The following MTMR7 variants were observed in gnomAD, a reference collection of about 807,000 sequenced individuals.
MTMR7 encodes myotubularin related protein 7, also known as phosphatidylinositol-3-phosphate phosphatase MTMR7.
In MTMR7, 76 loss-of-function variants were observed where a neutral mutation model predicts 81.2. That is an observed-to-expected ratio of 0.94 (90% confidence interval 0.78 to 1.13). The LOEUF (loss-of-function observed/expected upper bound fraction) is 1.13, where lower values mean the gene tolerates loss of function less well. Ranked by LOEUF, MTMR7 falls within the 50% of genes most tolerant of loss-of-function variation. The pLI is 0.00. For missense variants in MTMR7, 1,044 were observed against 820.0 expected, an observed-to-expected ratio of 1.27 and a Z score of -3.34; for synonymous variants, 372 against 289.8, an observed-to-expected ratio of 1.28 and a Z score of -2.88.
In MTMR7 at chr8:17,393,281, T is replaced by C. The variant is rs537152395; in HGVS notation, c.24+19988A>G. Among the ~76,000 whole-genome samples the C allele has an allele frequency of 3.9e-5, 6 of 152,316 alleles. No individual in the cohort carries two copies. The South Asian group carries it at 1.0e-3, about 26-fold the overall frequency. ...ACCATATACAAAAATTAACTCAACA[T>C]AGATCAAAGACCTAAACAGTGTAAA... On this transcript the variant is annotated intron_variant, in intron 1 of 13. Coordinates refer to ENST00000180173, the MANE Select transcript of MTMR7 (RefSeq NM_004686.5).
chr8:17,406,838 A>G (rs1480215905), intron 1 of MTMR7, among the ~76,000 whole-genome samples: 6 of 152,212 alleles, frequency 3.9e-5, no homozygotes, highest in African/African-American at 1.4e-4. Context: ...CCTTAAAAAC[A>G]TTAAGTGAAA....
At chr8:17,313,430 A>C (rs1198335433) in intron 7 of MTMR7, 29 bp from the exon 8 acceptor site, 1 of 1,406,468 alleles carries the variant, frequency 7.1e-7, no homozygotes, top group Non-Finnish European at 1.0e-6. Flanking sequence ...TATAAAAGCA[A>C]AATTAAGGTA....
intron 6 of MTMR7, among the ~76,000 whole-genome samples, chr8:17,340,630 G>A (rs891320380): frequency 6.6e-6 from 1 of 152,182 alleles, no homozygotes; most frequent in Non-Finnish European, 1.5e-5. Flanking sequence ...TGAGTGGGAG[G>A]TAAGTGTAAG....
At position 17,352,676 on chromosome 8, in the gene MTMR7, G is replaced by C. The variant is rs184359063; in HGVS notation, c.469-3595C>G. On this transcript the variant is annotated intron_variant, in intron 4 of 13. Transcript: ENST00000180173. The stretch of plus-strand genomic sequence containing the variant: ...AGTGAAAAAGCAACCTACAGAATGT[G>C]AGAAGCTATTAGTAAATTGCGTATC... 4.9e-3 allele frequency among the ~76,000 whole-genome samples: 748 copies of C among 152,284 alleles called. 10 individuals carry two copies. Among genetic ancestry groups the C allele is most frequent in the Admixed American group, 7.7e-3 (118 of 15,298 alleles).
At chr8:17,393,540 C>A (rs1250495452) in intron 1 of MTMR7, among the ~76,000 whole-genome samples, 1 of 151,968 alleles carries the variant, frequency 6.6e-6, no homozygotes, top group African/African-American at 2.4e-5. Flanking sequence ...GACAGATAAC[C>A]CAATTTAAAA....
At chr8:17,345,735 G>A (rs1029751778) in intron 5 of MTMR7, among the ~76,000 whole-genome samples, 6 of 152,160 alleles carry the variant, frequency 3.9e-5, no homozygotes, top group Non-Finnish European at 8.8e-5. Context: ...CCTTTATATT[G>A]AACAGAACTT....
chr8:17,359,122 T>G (rs1395312943), intron 4 of MTMR7, among the ~76,000 whole-genome samples: 1 of 151,962 alleles, frequency 6.6e-6, no homozygotes, highest in Non-Finnish European at 1.5e-5. Context: ...GGTCTCAAAC[T>G]CCAGGGCTCA....
intron 6 of MTMR7, among the ~76,000 whole-genome samples, chr8:17,337,496 C>T (rs961886020): frequency 1.2e-4 from 19 of 152,240 alleles, no homozygotes; most frequent in African/African-American, 4.3e-4. Flanking sequence ...ACTGCGACAA[C>T]ACCTTCATAT....
At chr8:17,347,345 A>G (rs991238618) in intron 5 of MTMR7, among the ~76,000 whole-genome samples, 1 of 152,204 alleles carries the variant, frequency 6.6e-6, no homozygotes, top group Non-Finnish European at 1.5e-5. Flanking sequence ...ACTAAAAATA[A>G]TTTTTATCCA....
intron 1 of MTMR7, among the ~76,000 whole-genome samples, chr8:17,384,537 G>A (rs1183296786): frequency 6.6e-6 from 1 of 152,124 alleles, no homozygotes; most frequent in Non-Finnish European, 1.5e-5. Flanking sequence ...AGAAACAATA[G>A]AGTATGCAAA....
chr8:17,317,789 T>C (rs1245104119), intron 7 of MTMR7, among the ~76,000 whole-genome samples: 2 of 152,214 alleles, frequency 1.3e-5, no homozygotes, highest in Admixed American at 6.5e-5. Flanking sequence ...ACTTCCGCCA[T>C]AAATTGCAGC....
intron 7 of MTMR7, among the ~76,000 whole-genome samples, chr8:17,316,714 T>G (rs1398380442): frequency 6.6e-6 from 1 of 152,218 alleles, no homozygotes; most frequent in African/African-American, 2.4e-5. Flanking sequence ...GTGTAACGAC[T>G]ATTTACACAG....
chr8:17,324,761 T>C (rs1818586124), intron 7 of MTMR7, among the ~76,000 whole-genome samples: 2 of 152,190 alleles, frequency 1.3e-5, no homozygotes, highest in Non-Finnish European at 2.9e-5. Flanking sequence ...GGGTTTTCTA[T>C]GTGGAAACCT....
chr8:17,314,351 C>T lies in MTMR7; in HGVS notation c.866-950G>A, dbSNP rs147693719. Among the ~76,000 whole-genome samples the T allele has an allele frequency of 6.2e-4, 94 of 152,208 alleles. 1 individual carries two copies. The highest frequency in any genetic ancestry group is 3.4e-3 in the Middle Eastern group (1 of 294). ...AAAAGGGAGCCCATTTTTCTACCCC[C>T]AACTCCATGGGCAATGAGCTGTGTA... On this transcript the variant is annotated intron_variant, in intron 7 of 13. Coordinates refer to ENST00000180173, the MANE Select transcript of MTMR7 (RefSeq NM_004686.5).
intron 9 of MTMR7, among the ~76,000 whole-genome samples, chr8:17,309,949 A>T (rs1440414397): frequency 2.0e-5 from 3 of 152,152 alleles, no homozygotes; most frequent in Non-Finnish European, 4.4e-5. Context: ...GAGGCAGTCC[A>T]GATTATTATT....
At position 17,413,296 on chromosome 8, in the gene MTMR7, T is replaced by G; in HGVS notation, c.-4A>C. The G allele has an allele frequency of 6.5e-7, 1 of 1,545,784 alleles. No homozygotes were observed. The highest frequency in any genetic ancestry group is 8.7e-7 in the Non-Finnish European group (1 of 1,143,996). On this transcript the variant is annotated 5_prime_UTR_variant, in exon 1 of 14. Transcript: ENST00000180173. ...TGGGCGTACGGATGTGCTCCATGGCTGGCCCACGTCTGCAGGGTCCCGGGC... is the reference window on the plus strand; with the variant it reads ...TGGGCGTACGGATGTGCTCCATGGCGGGCCCACGTCTGCAGGGTCCCGGGC...
Position 17,406,708 on chromosome 8 carries a change from C to T in MTMR7, c.24+6561G>A, listed in dbSNP as rs560657824. On this transcript the variant is annotated intron_variant, in intron 1 of 13. Transcript: ENST00000180173. Reference sequence around the variant, plus strand: ...AACTTATCACCGAAGTTTATAGCAGCATTATTCATAATTGCCAAAAAATCT... The same window carrying T: ...AACTTATCACCGAAGTTTATAGCAGTATTATTCATAATTGCCAAAAAATCT... Among the ~76,000 whole-genome samples the T allele has an allele frequency of 6.6e-5, 10 of 152,256 alleles. No individual in the cohort carries two copies. The South Asian group carries it at 1.9e-3, about 28-fold the overall frequency.
At chr8:17,392,661 G>C (rs1821139110) in intron 1 of MTMR7, among the ~76,000 whole-genome samples, 2 of 152,318 alleles carry the variant, frequency 1.3e-5, no homozygotes, top group South Asian at 2.1e-4. Context: ...TGTTTGACGA[G>C]ATCAATGTTT....
At chr8:17,315,271 A>G (rs1036286113) in intron 7 of MTMR7, among the ~76,000 whole-genome samples, 2 of 152,198 alleles carry the variant, frequency 1.3e-5, no homozygotes, top group African/African-American at 2.4e-5. Context: ...GATGTCAACT[A>G]TATGACCTCC....
Sources: allele counts gnomAD v4.1 joint callset (sites outside exome capture counted in the v4.1 genomes callset), GRCh38; gene constraint gnomAD v4.1.1; transcripts MANE v1.5; gene names NCBI Gene and HGNC (gene_info 2026-07-23, HGNC 2026-07-21).